ANKRD27: variants seen among roughly 807,000 people sequenced by gnomAD.
ANKRD27 encodes ankyrin repeat domain-containing protein 27.
ANKRD27 carries 112 observed loss-of-function variants against 129.7 expected under a neutral mutation model. That is an observed-to-expected ratio of 0.86 (90% CI 0.74 to 1.01). ANKRD27 has a LOEUF of 1.01. ANKRD27 is among the 50% of genes least tolerant of loss of function. The pLI, the probability that ANKRD27 is intolerant of heterozygous loss-of-function variation, is 0.00. For synonymous variants in ANKRD27, 516 were observed against 511.2 expected (o/e 1.01, Z -0.13); for missense variants, 1,258 against 1,300.5 (o/e 0.97, Z 0.50).
chr19:32,604,238 C>T (rs373534682), intron 25 of ANKRD27, 25 bp downstream of exon 25: 273 of 1,579,262 alleles, frequency 1.7e-4, no homozygotes, highest in Non-Finnish European at 2.2e-4. Context: ...AGGATTCCCT[C>T]GGCTCTTCGA....
chr19:32,660,719 A>G (rs1967627919), intron 1 of ANKRD27, among the ~76,000 whole-genome samples: 1 of 135,720 alleles, frequency 7.4e-6, no homozygotes, highest in Non-Finnish European at 1.7e-5. Flanking sequence ...AGCAGCCTGC[A>G]TGGGCTGAGA....
rs866729994 is a variant in ANKRD27 at position 32,659,141 on chromosome 19, T to G, written c.-30-96A>C. On this transcript the variant is annotated intron_variant, in intron 1 of 28. Coordinates refer to ENST00000306065, the MANE Select transcript of ANKRD27 (RefSeq NM_032139.3). ...GATGCATCTGGCATTTTCTTTTTCT[T>G]TTTTTTTTTTTTTTTGAGACAGAGT... The G allele has an allele frequency of 2.2e-4, 95 of 433,236 alleles. 1 individual carries two copies. The East Asian group carries it at 2.6e-3, about 12-fold the overall frequency. 26.8% of individuals were successfully genotyped at this position (433,236 alleles called of 1,614,324 possible). A position where few individuals can be genotyped will look rare whatever the true frequency, so the allele number is the denominator to read the frequency against.
rs575592102 is a variant in ANKRD27 at position 32,619,156 on chromosome 19, A to G, written c.2007+104T>C. ...AGCAGCGGCCTCAGCATGGGCAAGC[A>G]GGCTGAGAGGGCGGCCCTTGTCAGG... On this transcript the variant is annotated intron_variant, in intron 20 of 28. Coordinates refer to ENST00000306065, the MANE Select transcript of ANKRD27 (RefSeq NM_032139.3). 1.6e-3 allele frequency: 2,258 copies of G among 1,447,166 alleles called. 17 individuals are homozygous for G. The highest frequency in any genetic ancestry group is 1.1e-3 in the Non-Finnish European group (1,197 of 1,079,508). The allele number at this position is 1,447,166 out of a possible 1,614,324, so 89.6% of individuals were successfully genotyped here.
At chr19:32,633,452 C>G (rs1436954762) in intron 12 of ANKRD27, among the ~76,000 whole-genome samples, 1 of 150,356 alleles carries the variant, frequency 6.7e-6, no homozygotes, top group African/African-American at 2.4e-5. Context: ...CCCACCTTAG[C>G]TTCCCAAGTA....
chr19:32,620,973 T>A (rs142822653), intron 18 of ANKRD27, among the ~76,000 whole-genome samples: 527 of 151,880 alleles, frequency 3.5e-3, no homozygotes, highest in Middle Eastern at 0.01. Flanking sequence ...GTGGTGATGG[T>A]TTCATGGATG....
chr19:32,626,369 T>C (rs1240629423), intron 16 of ANKRD27, among the ~76,000 whole-genome samples: 1 of 152,124 alleles, frequency 6.6e-6, no homozygotes, highest in Non-Finnish European at 1.5e-5. Flanking sequence ...AGATAGGGTC[T>C]CCCTAGGTTG....
chr19:32,622,332 T>G (rs1972022626), intron 18 of ANKRD27, 90 bp downstream of exon 18: 3 of 1,400,730 alleles, frequency 2.1e-6, no homozygotes, highest in Non-Finnish European at 3.0e-6. Context: ...CAGGCAATAA[T>G]GCACAATTTG....
chr19:32,658,157 G>A (rs745684130), intron 2 of ANKRD27, among the ~76,000 whole-genome samples: 1 of 152,144 alleles, frequency 6.6e-6, no homozygotes, highest in Non-Finnish European at 1.5e-5. Context: ...CCATTTGAGA[G>A]AGTAGGGGAC....
chr19:32,604,594 AAG>A (rs1370173796), intron 24 of ANKRD27, among the ~76,000 whole-genome samples, 170 bp from the exon 25 acceptor site: 2 of 152,328 alleles, frequency 1.3e-5, no homozygotes, highest in African/African-American at 4.8e-5. Context: ...TTTATAGACA[AAG>A]AGTTCGCTGC....
Position 32,626,864 on chromosome 19 carries a change from GC to G in ANKRD27, c.1421-38del, listed in dbSNP as rs562182254. 1,134 of 1,474,966 alleles carry G rather than the reference GC, an allele frequency of 7.7e-4. 11 individuals are homozygous for G. The highest frequency in any genetic ancestry group is 1.7e-3 in the Middle Eastern group (10 of 5,820). 91.4% of individuals were successfully genotyped at this position (1,474,966 alleles called of 1,614,324 possible). ...AAGGACGTCACGATGGAGAAGGAAG[GC>G]GCAGAGGCCTTCCACACCTTAACTG... is the stretch of plus-strand genomic sequence containing the variant. On this transcript the variant is annotated intron_variant, in intron 15 of 28. Coordinates refer to ENST00000306065, the MANE Select transcript of ANKRD27 (RefSeq NM_032139.3).
intron 1 of ANKRD27, chr19:32,672,740 C>A (rs1271867769): frequency 6.6e-6 from 1 of 152,346 alleles, no homozygotes; most frequent in Non-Finnish European, 1.5e-5. Context: ...CCGAATGCCA[C>A]CGCATCACCC....
chr19:32,639,422 G>A lies in ANKRD27; in HGVS notation c.1050C>T (p.Tyr350=). The A allele has an allele frequency of 6.2e-7, 1 of 1,614,204 alleles. No homozygotes were observed. Among genetic ancestry groups the A allele is most frequent in the East Asian group, 2.2e-5 (1 of 44,884 alleles). Residue 350 remains tyrosine, a synonymous_variant, in exon 12 of 29, where the codon TAC becomes TAT. Transcript: ENST00000306065. ...TGGCAGCTTCGAATGAGGTCAGGCA[G>A]TATCCCAGTTCATCCTTTGCCAAGC... ...FSSLAKDELG[Y]CLTSFEAAIE...
At chr19:32,641,260 AC>A (rs1277206985) in intron 10 of ANKRD27, among the ~76,000 whole-genome samples, 4 of 151,224 alleles carry the variant, frequency 2.6e-5, no homozygotes, top group Non-Finnish European at 5.9e-5. Flanking sequence ...ATGCCTTGCC[AC>A]CCCCTTGGAC....
intron 5 of ANKRD27, 52 bp from the exon 6 acceptor site, chr19:32,643,683 C>T (rs879058568): frequency 1.6e-5 from 25 of 1,591,338 alleles, no homozygotes; most frequent in South Asian, 5.5e-5. Context: ...AAGGCCATGA[C>T]GGGGGAGCCG....
chr19:32,639,509 G>GT, intron 11 of ANKRD27, 21 bp from the exon 12 acceptor site: 1 of 1,609,346 alleles, frequency 6.2e-7, no homozygotes, highest in Non-Finnish European at 8.5e-7. Flanking sequence ...GAAGAAAAAA[G>GT]TTATGTTGTT....
In ANKRD27 at chr19:32,611,491, G is replaced by A. The variant is rs190110714; in HGVS notation, c.2176-3659C>T. 4.5e-4 allele frequency among the ~76,000 whole-genome samples: 68 copies of A among 152,302 alleles called. 1 individual carries two copies. The highest frequency in any genetic ancestry group is 1.5e-4 in the Non-Finnish European group (10 of 68,034). The stretch of plus-strand genomic sequence containing the variant: ...ACTTTAGTCATTTTCAATATCCTTA[G>A]AGTCACCCACGCTGAAGTTCTTTTT... On this transcript the variant is annotated intron_variant, in intron 22 of 28. Coordinates refer to ENST00000306065, the MANE Select transcript of ANKRD27 (RefSeq NM_032139.3).
In ANKRD27 at chr19:32,664,846, G is replaced by A. The variant is rs143754476; in HGVS notation, c.-30-5801C>T. Among the ~76,000 whole-genome samples the A allele has an allele frequency of 3.5e-4, 52 of 148,238 alleles. No individual in the cohort carries two copies. The East Asian group carries it at 6.4e-3, about 18-fold the overall frequency. ...GAGGCAGGAGAATCGCTTGAGCCCAGGAGGCAGAGACTCCAGTGAGCTGAG... is the reference window on the plus strand; with the variant it reads ...GAGGCAGGAGAATCGCTTGAGCCCAAGAGGCAGAGACTCCAGTGAGCTGAG... On this transcript the variant is annotated intron_variant, in intron 1 of 28. Coordinates refer to ENST00000306065, the MANE Select transcript of ANKRD27 (RefSeq NM_032139.3).
At chr19:32,672,128 T>C (rs192069229) in intron 1 of ANKRD27, among the ~76,000 whole-genome samples, 49 of 152,362 alleles carry the variant, frequency 3.2e-4, no homozygotes, top group Non-Finnish European at 4.9e-4. Flanking sequence ...GAAATCTCAC[T>C]GCGATGGCCG....
chr19:32,629,055 G>A (rs1375229432), intron 13 of ANKRD27, among the ~76,000 whole-genome samples: 6 of 152,090 alleles, frequency 3.9e-5, no homozygotes, highest in African/African-American at 9.7e-5. Context: ...CAAGTAGCTG[G>A]GATTAGAGGC....
Sources: allele counts gnomAD v4.1 joint callset (sites outside exome capture counted in the v4.1 genomes callset), GRCh38; gene constraint gnomAD v4.1.1; transcripts MANE v1.5; gene names NCBI Gene and HGNC (gene_info 2026-07-23, HGNC 2026-07-21).